Variants in CACNB4 observed in about 807,000 individuals in gnomAD.
CACNB4 encodes calcium voltage-gated channel auxiliary subunit beta 4, also known as voltage-dependent L-type calcium channel subunit beta-4.
Under a neutral mutation model 71.2 loss-of-function variants are expected in CACNB4, and 32 were observed. The ratio of observed to expected loss-of-function variants is 0.45; its 90% CI spans 0.34 to 0.60. CACNB4 has a LOEUF of 0.60. CACNB4 is among the 20% of genes least tolerant of loss of function. The pLI is 0.01. For missense variants in CACNB4, 464 were observed against 647.9 expected (o/e 0.72, Z 3.08); for synonymous variants, 231 against 236.9 (o/e 0.97, Z 0.23).
At chr2:151,986,914 G>C (rs1047571305) in intron 2 of CACNB4, among the ~76,000 whole-genome samples, 1 of 152,116 alleles carries the variant, frequency 6.6e-6, no homozygotes, top group African/African-American at 2.4e-5. Flanking sequence ...TTGCTTCAGA[G>C]ATTGTTTTTT....
intron 2 of CACNB4, among the ~76,000 whole-genome samples, chr2:151,909,040 T>C (rs946553462): frequency 2.0e-5 from 3 of 150,182 alleles, no homozygotes; most frequent in Admixed American, 6.6e-5. Context: ...AAAAAAACTT[T>C]AGGTAAGTTT....
chr2:151,839,736 A>G (rs2099835681), intron 13 of CACNB4, among the ~76,000 whole-genome samples: 1 of 152,256 alleles, frequency 6.6e-6, no homozygotes, highest in Admixed American at 6.5e-5. Flanking sequence ...CTATTGGGAA[A>G]TAAAGTTCAG....
At chr2:152,080,582 C>T (rs1284697847) in intron 2 of CACNB4, among the ~76,000 whole-genome samples, 1 of 152,132 alleles carries the variant, frequency 6.6e-6, no homozygotes, top group Admixed American at 6.5e-5. Flanking sequence ...TAGGTAGTTT[C>T]TAGAAAGTTC....
chr2:152,019,909 C>G (rs1683560903), intron 2 of CACNB4, among the ~76,000 whole-genome samples: 1 of 152,156 alleles, frequency 6.6e-6, no homozygotes, highest in African/African-American at 2.4e-5. Flanking sequence ...TCAGCTGTAC[C>G]TATGGTTGCC....
chr2:151,869,106 T>C, intron 9 of CACNB4, 71 bp downstream of exon 9: 2 of 861,150 alleles, frequency 2.3e-6, no homozygotes, highest in East Asian at 2.7e-5. Context: ...GAAACATAGA[T>C]CTACAATTCA....
At chr2:151,993,344 G>T (rs1028227376) in intron 2 of CACNB4, among the ~76,000 whole-genome samples, 1 of 152,148 alleles carries the variant, frequency 6.6e-6, no homozygotes, top group Non-Finnish European at 1.5e-5. Context: ...TAGGAGCCTG[G>T]GGCCCAGGAG....
At chr2:151,890,538 C>G (rs1377229599) in intron 2 of CACNB4, among the ~76,000 whole-genome samples, 1 of 152,186 alleles carries the variant, frequency 6.6e-6, no homozygotes, top group Non-Finnish European at 1.5e-5. Context: ...TCATAGGTCA[C>G]TACATGGGGA....
chr2:152,030,023 C>T (rs1429305232), intron 2 of CACNB4, among the ~76,000 whole-genome samples: 1 of 152,182 alleles, frequency 6.6e-6, no homozygotes, highest in Non-Finnish European at 1.5e-5. Context: ...ATTACACAAA[C>T]AGGTGCACTG....
chr2:152,020,612 T>C (rs1158788939), intron 2 of CACNB4, among the ~76,000 whole-genome samples: 2 of 152,174 alleles, frequency 1.3e-5, no homozygotes, highest in Admixed American at 1.3e-4. Flanking sequence ...TCTTTTGATT[T>C]CAGAATGGGA....
chr2:152,078,168 C>T (rs1285678509), intron 2 of CACNB4, among the ~76,000 whole-genome samples: 3 of 152,152 alleles, frequency 2.0e-5, no homozygotes, highest in Non-Finnish European at 2.9e-5. Flanking sequence ...CTGCGAGGAA[C>T]AATATTCTGG....
chr2:151,865,702 A>T (rs918590786), intron 9 of CACNB4: 4 of 151,898 alleles, frequency 2.6e-5, no homozygotes, highest in African/African-American at 9.7e-5. Flanking sequence ...CACAGGAATC[A>T]TTGCTTCATG....
intron 2 of CACNB4, among the ~76,000 whole-genome samples, chr2:151,917,325 A>G (rs900827762): frequency 2.6e-5 from 4 of 152,174 alleles, no homozygotes; most frequent in African/African-American, 9.7e-5. Context: ...TCCCTATATA[A>G]GACAGGTTCT....
intron 9 of CACNB4, chr2:151,867,067 A>G (rs1161407335): frequency 6.6e-6 from 1 of 152,230 alleles, no homozygotes; most frequent in Admixed American, 6.5e-5. Flanking sequence ...CTTTAACAGC[A>G]CTGTTGCGTA....
intron 2 of CACNB4, among the ~76,000 whole-genome samples, chr2:151,995,242 T>TA (rs1236435532): frequency 7.4e-6 from 1 of 135,180 alleles, no homozygotes; most frequent in Non-Finnish European, 1.5e-5. Context: ...ATGACAAAAA[T>TA]AAAAATGTAC....
chr2:152,039,876 T>C (rs545577446), intron 2 of CACNB4, among the ~76,000 whole-genome samples: 11 of 144,904 alleles, frequency 7.6e-5, no homozygotes, highest in African/African-American at 2.8e-4. Flanking sequence ...GAATTTAAAA[T>C]AGAGAATGCA....
At chr2:152,035,624 C>CTCTCTCTCTCT in intron 2 of CACNB4, among the ~76,000 whole-genome samples, 1 of 31,326 alleles carries the variant, frequency 3.2e-5, no homozygotes, top group Non-Finnish European at 6.1e-5. Flanking sequence ...TCTCTCCCTC[C>CTCTCTCTCTCT]CTCTCCCTCT....
chr2:151,841,026 C>T (rs2099836077), intron 13 of CACNB4, among the ~76,000 whole-genome samples: 1 of 152,218 alleles, frequency 6.6e-6, no homozygotes, highest in Non-Finnish European at 1.5e-5. Context: ...CTGTGTTCGT[C>T]ACCAGCTTCC....
intron 2 of CACNB4, among the ~76,000 whole-genome samples, chr2:151,935,480 A>G (rs1474704112): frequency 6.6e-6 from 1 of 152,240 alleles, no homozygotes; most frequent in East Asian, 1.9e-4. Context: ...TTAGGCTTTG[A>G]TTTTTAGCCT....
At chr2:151,924,171 C>T (rs1048042943) in intron 2 of CACNB4, among the ~76,000 whole-genome samples, 8 of 147,230 alleles carry the variant, frequency 5.4e-5, no homozygotes, top group African/African-American at 1.5e-4. Flanking sequence ...CTCCACCTCC[C>T]GGGTTCATGC....
Sources: gnomAD v4.1 joint callset for allele counts (sites outside exome capture counted in the v4.1 genomes callset) on GRCh38, gnomAD v4.1.1 for gene constraint, MANE v1.5 for transcripts, NCBI Gene and HGNC (gene_info 2026-07-23, HGNC 2026-07-21) for gene names.